Variants in HNRNPA1L2 observed in about 807,000 individuals in gnomAD.
HNRNPA1L2 encodes heterogeneous nuclear ribonucleoprotein A1 like 2, also known as heterogeneous nuclear ribonucleoprotein A1-like 2.
A neutral mutation model predicts 18.2 loss-of-function variants in HNRNPA1L2; 10 were observed. The observed-to-expected ratio is 0.55, with a 90% CI of 0.34 to 0.93. The LOEUF (loss-of-function observed/expected upper bound fraction) is 0.93, where lower values mean the gene tolerates loss of function less well. Among genes scored for constraint, HNRNPA1L2 ranks in the 40% least tolerant of loss-of-function variants. HNRNPA1L2 has a pLI of 0.02. For missense variants in HNRNPA1L2, 308 were observed against 394.4 expected (o/e 0.78, Z 1.85); for synonymous variants, 124 against 138.6 (o/e 0.89, Z 0.74).
chr13:52,630,422 G>A, the HNRNPA1L2 span, among the ~76,000 whole-genome samples: 17 of 152,260 alleles, frequency 1.1e-4, no homozygotes, highest in South Asian at 3.3e-3. Context: ...TTACAGGTGT[G>A]CACCACCATG....
chr13:52,633,963 G>A, the HNRNPA1L2 span, among the ~76,000 whole-genome samples: 1,580 of 152,258 alleles, frequency 0.01, 15 homozygotes, highest in Non-Finnish European at 0.017. Flanking sequence ...ATTCATGTCT[G>A]TATACCCTAT....
chr13:52,639,395 A>T (rs2138077662), upstream of HNRNPA1L2, among the ~76,000 whole-genome samples: 1 of 152,124 alleles, frequency 6.6e-6, no homozygotes, highest in South Asian at 2.1e-4. Flanking sequence ...CTCCCAATAA[A>T]CCCATTGTAA....
At chr13:52,630,383 T>G in the HNRNPA1L2 span, among the ~76,000 whole-genome samples, 1 of 152,174 alleles carries the variant, frequency 6.6e-6, no homozygotes, top group Non-Finnish European at 1.5e-5. Flanking sequence ...TTCTAGCGAT[T>G]CTCCTGACAG....
At chr13:52,624,580 C>T in the HNRNPA1L2 span, among the ~76,000 whole-genome samples, 506 of 152,246 alleles carry the variant, frequency 3.3e-3, 3 homozygotes, top group African/African-American at 0.011. Flanking sequence ...ATACATTTGG[C>T]CCTCTGTATG....
chr13:52,623,122 C>G, the HNRNPA1L2 span, among the ~76,000 whole-genome samples: 28 of 152,188 alleles, frequency 1.8e-4, no homozygotes, highest in African/African-American at 6.7e-4. Context: ...ACTTCCTCCT[C>G]GTCCTACTCT....
chr13:52,625,124 T>A, the HNRNPA1L2 span, among the ~76,000 whole-genome samples: 2,092 of 152,216 alleles, frequency 0.014, 48 homozygotes, highest in African/African-American at 0.048. Context: ...ATACTTTTTT[T>A]TTTTTTGAGA....
chr13:52,638,954 T>C (rs1961551028), upstream of HNRNPA1L2, among the ~76,000 whole-genome samples: 2 of 152,192 alleles, frequency 1.3e-5, no homozygotes, highest in South Asian at 4.1e-4. Flanking sequence ...GGACTAATAT[T>C]TTCCACGAGA....
the HNRNPA1L2 span, among the ~76,000 whole-genome samples, chr13:52,623,926 A>G: frequency 6.6e-6 from 1 of 152,168 alleles, no homozygotes; most frequent in Non-Finnish European, 1.5e-5. Flanking sequence ...GGCTGGAATC[A>G]TCTGAAGTTT....
chr13:52,639,718 C>CAAAAAAAAAAAAAAAAAAAAAAAAAAAAA (rs1961585637), upstream of HNRNPA1L2, among the ~76,000 whole-genome samples: 13 of 119,102 alleles, frequency 1.1e-4, no homozygotes, highest in African/African-American at 4.3e-4. Context: ...AAAAAAAAAT[C>CAAAAAAAAAAAAAAAAAAAAAAAAAAAAA]AAAACTATCC....
At chr13:52,630,382 T>A in the HNRNPA1L2 span, among the ~76,000 whole-genome samples, 3 of 152,210 alleles carry the variant, frequency 2.0e-5, no homozygotes, top group African/African-American at 7.2e-5. Context: ...GTTCTAGCGA[T>A]TCTCCTGACA....
chr13:52,621,401 C>G, the HNRNPA1L2 span, among the ~76,000 whole-genome samples: 1 of 146,790 alleles, frequency 6.8e-6, no homozygotes, highest in African/African-American at 2.4e-5. Context: ...TTAAAGTAAT[C>G]TTTTTGATAG....
chr13:52,633,695 C>T, the HNRNPA1L2 span, among the ~76,000 whole-genome samples: 1 of 152,014 alleles, frequency 6.6e-6, no homozygotes. Flanking sequence ...TGCCTATAGT[C>T]CTAGCAACCT....
upstream of HNRNPA1L2, among the ~76,000 whole-genome samples, chr13:52,639,934 C>G (rs1414864403): frequency 2.7e-5 from 4 of 146,356 alleles, no homozygotes; most frequent in African/African-American, 1.0e-4. Context: ...CTCTGTTACC[C>G]AGTCTAGAGT....
In HNRNPA1L2 at chr13:52,643,040, A is replaced by C. The variant is rs766461235; in HGVS notation, c.548A>C (p.Lys183Thr). ...TGTGAAGTTAGAAAAGCCCTGCCAA[A>C]GCAAGAGATGGCTAGTGCTTCATCC... ...HNCEVRKALP[K>T]QEMASASSSQ... Residue 183 changes from lysine to threonine, a missense_variant, in exon 1 of 1, where the codon AAG becomes ACG. Transcript: ENST00000357495. The C allele has an allele frequency of 3.1e-6, 5 of 1,597,674 alleles. No individual in the cohort carries two copies. The highest frequency in any genetic ancestry group is 4.2e-6 in the Non-Finnish European group (5 of 1,179,808).
At chr13:52,633,828 A>G in the HNRNPA1L2 span, among the ~76,000 whole-genome samples, 1 of 151,978 alleles carries the variant, frequency 6.6e-6, no homozygotes, top group East Asian at 1.9e-4. Flanking sequence ...GAAAAAGAAA[A>G]TGTTGTATGT....
At chr13:52,640,663 G>A (rs1298079804), upstream of HNRNPA1L2, 1 of 152,148 alleles carries the variant, frequency 6.6e-6, no homozygotes, top group African/African-American at 2.4e-5. Context: ...TATAATGTCT[G>A]CCCTCCAGAG....
Position 52,642,685 on chromosome 13 carries a change from G to A in HNRNPA1L2, c.193G>A (p.Val65Met). The change falls in exon 1 of 1, where the codon GTG becomes ATG. Residue 65 changes from valine to methionine, a missense_variant. Coordinates refer to ENST00000357495, the MANE Select transcript of HNRNPA1L2 (RefSeq NM_001389320.1). ...CTTTGGGTTTGTCACATATGCCACTGTGGAGGAGGTGGATGCAGCTATGAA... is the reference window on the plus strand; with the variant it reads ...CTTTGGGTTTGTCACATATGCCACTATGGAGGAGGTGGATGCAGCTATGAA... ...RGFGFVTYAT[V>M]EEVDAAMNTT... The A allele has an allele frequency of 6.2e-7, 1 of 1,608,714 alleles. No individual in the cohort carries two copies. The highest frequency in any genetic ancestry group is 1.3e-5 in the African/African-American group (1 of 74,974).
upstream of HNRNPA1L2, among the ~76,000 whole-genome samples, chr13:52,638,466 T>G (rs1961533218): frequency 6.6e-6 from 1 of 152,206 alleles, no homozygotes; most frequent in Non-Finnish European, 1.5e-5. Context: ...TTTAACCATT[T>G]ACACATTTGG....
At chr13:52,619,622 T>G in the HNRNPA1L2 span, among the ~76,000 whole-genome samples, 1 of 151,988 alleles carries the variant, frequency 6.6e-6, no homozygotes, top group Non-Finnish European at 1.5e-5. Context: ...CAGTGTTAAC[T>G]TTAAGTGTAG....
Sources: gnomAD v4.1 joint callset for allele counts (sites outside exome capture counted in the v4.1 genomes callset) on GRCh38, gnomAD v4.1.1 for gene constraint, MANE v1.5 for transcripts, NCBI Gene and HGNC (gene_info 2026-07-23, HGNC 2026-07-21) for gene names.